Variants in NAA38 observed in about 807,000 individuals in gnomAD.
NAA38 encodes N-alpha-acetyltransferase 38, NatC auxiliary subunit.
Under a neutral mutation model 12.6 loss-of-function variants are expected in NAA38, and 15 were observed. The observed-to-expected ratio is 1.19, with a 90% CI of 0.79 to 1.83. The LOEUF (loss-of-function observed/expected upper bound fraction) is 1.83, where lower values mean the gene tolerates loss of function less well. Among genes scored for constraint, NAA38 ranks in the 40% most tolerant of loss-of-function variants. The probability of loss-of-function intolerance (pLI) is 0.00; values close to 1 mark genes in which losing one functional copy is unlikely to be tolerated. For synonymous variants in NAA38, 88 were observed against 69.9 expected (o/e 1.26, Z -1.29); for missense variants, 183 against 171.7 (o/e 1.07, Z -0.37).
chr17:7,872,767 T>C (rs1457755901), intron 2 of NAA38, among the ~76,000 whole-genome samples: 1 of 152,262 alleles, frequency 6.6e-6, no homozygotes, highest in East Asian at 1.9e-4. Flanking sequence ...TTATCAATTA[T>C]GCATCATTAT....
At chr17:7,874,675 C>T (rs1330138796) in intron 2 of NAA38, among the ~76,000 whole-genome samples, 4 of 151,932 alleles carry the variant, frequency 2.6e-5, no homozygotes, top group Non-Finnish European at 5.9e-5. Context: ...CACTTGAGGT[C>T]AGGAGTTTGA....
chr17:7,857,843 T>G (rs2078842527), upstream of NAA38: 1 of 1,363,462 alleles, frequency 7.3e-7, no homozygotes, highest in Non-Finnish European at 9.5e-7. Context: ...ACGGAGCGTA[T>G]TCGTTCTCTG....
chr17:7,859,756 T>C (rs1023661071), upstream of NAA38: 4 of 674,204 alleles, frequency 5.9e-6, no homozygotes, highest in Admixed American at 2.6e-5. Flanking sequence ...CCTTCTGAAG[T>C]GTAAAGGCCC....
At chr17:7,858,087 G>A, upstream of NAA38, 1 of 1,608,032 alleles carries the variant, frequency 6.2e-7, no homozygotes, top group Non-Finnish European at 8.5e-7. Context: ...TACGTGCTGA[G>A]GAGCAAAGGA....
chr17:7,856,943 C>T, intron 2 of NAA38, 72 bp downstream of exon 2: 2 of 1,588,476 alleles, frequency 1.3e-6, no homozygotes, highest in Admixed American at 1.7e-5. Flanking sequence ...TGCAGCCAGG[C>T]CCTTAAGGGG....
rs150756781 is a variant in NAA38 at position 7,878,258 on chromosome 17, T to C, written c.-66+4977A>G. Among the ~76,000 whole-genome samples the C allele has an allele frequency of 7.8e-4, 119 of 152,156 alleles. 4 individuals are homozygous for C. In the South Asian group the frequency reaches 0.024, roughly 31 times the overall value. ...TGCATATAATGGTATAGCTGATATA[T>C]AGATATGGCAAATCATGAATATGAT... On this transcript the variant is annotated intron_variant, in intron 2 of 4. Transcript: ENST00000576861.
rs1390760416 is a variant in NAA38 at position 7,857,138 on chromosome 17, G to A, written c.142C>T (p.Leu48=). The part of the protein sequence containing the change: ...AERARQQLEA[L]LNKTMRIRMT... ...CGAATGCGCATAGTCTTGTTGAGCA[G>A]CGCCTCTAGCTGCTGTCGGGCGCGC... The change falls in exon 2 of 3, where the codon CTG becomes TTG. Residue 48 remains leucine (L), a synonymous_variant. Transcript: ENST00000575771. 4.3e-6 allele frequency: 7 copies of A among 1,613,220 alleles called. No homozygotes were observed. Among genetic ancestry groups the A allele is most frequent in the Non-Finnish European group, 5.1e-6 (6 of 1,180,046 alleles).
At chr17:7,859,927 G>C, upstream of NAA38, 3 of 296,082 alleles carry the variant, frequency 1.0e-5, no homozygotes, top group South Asian at 1.5e-4. Flanking sequence ...GTTCTACAGG[G>C]GTGAGGGATG....
At position 7,856,748 on chromosome 17, in the gene NAA38, C is replaced by T. The variant is rs1365502479; in HGVS notation, c.361G>A (p.Gly121Arg). The T allele has an allele frequency of 6.2e-7, 1 of 1,613,934 alleles. No individual in the cohort carries two copies. The highest frequency in any genetic ancestry group is 1.1e-5 in the South Asian group (1 of 91,074). Residue 121 changes from glycine (G) to arginine (R), a missense_variant, in exon 3 of 3, where the codon GGG becomes AGG. Coordinates refer to ENST00000575771, the MANE Select transcript of NAA38 (RefSeq NM_001320925.4). ...SIEVQRESLTGPPYL is the reference protein window; with the variant it reads ...SIEVQRESLTRPPYL ...CATCGTGGTCAGAGATACGGAGGCC[C>T]GGTCAGACTCTCCCTCTGCACCTCA...
chr17:7,858,563 T>C (rs1162824423), upstream of NAA38: 10 of 1,610,220 alleles, frequency 6.2e-6, no homozygotes, highest in Non-Finnish European at 8.5e-6. Flanking sequence ...AGCCAGAGCC[T>C]AATGGCTGCT....
At chr17:7,884,457 C>CATATATATATATATATATATGTATAT (rs1185826859) in intron 1 of NAA38, among the ~76,000 whole-genome samples, 1 of 130,834 alleles carries the variant, frequency 7.6e-6, no homozygotes, top group African/African-American at 2.9e-5. Flanking sequence ...TATATATATA[C>CATATATATATATATATATATGTATAT]ATATATATAT....
At chr17:7,858,121 A>G (rs201040525), upstream of NAA38, 1 of 1,612,988 alleles carries the variant, frequency 6.2e-7, no homozygotes, top group East Asian at 2.2e-5. Context: ...CCAGTGACCG[A>G]CAGAGCAAGA....
upstream of NAA38, chr17:7,859,752 G>A: frequency 1.4e-6 from 1 of 691,858 alleles, no homozygotes; most frequent in South Asian, 1.8e-5. Context: ...GTGCCCTTCT[G>A]AAGTGTAAAG....
intron 2 of NAA38, among the ~76,000 whole-genome samples, chr17:7,875,003 T>G (rs182813299): frequency 9.0e-4 from 136 of 151,828 alleles, no homozygotes; most frequent in African/African-American, 3.1e-3. Flanking sequence ...TAAGACCAAT[T>G]TGAACGACAC....
chr17:7,859,129 A>G, upstream of NAA38: 1 of 578,158 alleles, frequency 1.7e-6, no homozygotes, highest in Non-Finnish European at 3.1e-6. Flanking sequence ...TTTCTTTTTA[A>G]TCTACTCTGT....
intron 2 of NAA38, among the ~76,000 whole-genome samples, chr17:7,876,295 C>T (rs921060611): frequency 1.3e-5 from 2 of 152,100 alleles, no homozygotes; most frequent in African/African-American, 2.4e-5. Flanking sequence ...TCTACCATAA[C>T]AACACTACCT....
Position 7,857,012 on chromosome 17 carries a change from G to T in NAA38, c.265+3C>A. On this transcript the variant is annotated splice_donor_region_variant and intron_variant, in intron 2 of 2. Transcript: ENST00000575771. ...GGCGGGTGTGCATTCCCCGGGCACT[G>T]ACCCGACGGCTTGAGGAACTCCTGC... The T allele has an allele frequency of 6.2e-7, 1 of 1,603,172 alleles. No homozygotes were observed. Among genetic ancestry groups the T allele is most frequent in the South Asian group, 1.1e-5 (1 of 90,702 alleles).
intron 2 of NAA38, 60 bp from the exon 3 acceptor site, chr17:7,856,903 C>T: frequency 2.5e-6 from 4 of 1,594,550 alleles, no homozygotes; most frequent in East Asian, 2.2e-5. Flanking sequence ...CCCCTCTGAG[C>T]CACGAAAACG....
chr17:7,877,743 A>G (rs8081871), intron 2 of NAA38, among the ~76,000 whole-genome samples: 15,066 of 152,244 alleles, frequency 0.099, 1,746 homozygotes, highest in African/African-American at 0.28. Context: ...CATACTATTA[A>G]ATTGGCCTTG....
Sources: gnomAD v4.1 joint callset for allele counts (sites outside exome capture counted in the v4.1 genomes callset) on GRCh38, gnomAD v4.1.1 for gene constraint, MANE v1.5 for transcripts, NCBI Gene and HGNC (gene_info 2026-07-23, HGNC 2026-07-21) for gene names.